MYO5B: variants seen among roughly 807,000 people sequenced by gnomAD.
MYO5B encodes unconventional myosin-Vb.
A neutral mutation model predicts 229.3 loss-of-function variants in MYO5B; 143 were observed. The observed-to-expected ratio is 0.62, with a 90% CI of 0.54 to 0.72. The LOEUF is 0.72. Among genes scored for constraint, MYO5B ranks in the 30% least tolerant of loss-of-function variants. MYO5B has a pLI of 0.00. For synonymous variants in MYO5B, 918 were observed against 885.2 expected (o/e 1.04, Z -0.66); for missense variants, 2,321 against 2,331.0 (o/e 1.00, Z 0.09).
intron 17 of MYO5B, among the ~76,000 whole-genome samples, chr18:49,926,172 G>A (rs2144188562): frequency 6.6e-6 from 1 of 152,348 alleles, no homozygotes; most frequent in Middle Eastern, 3.4e-3. Context: ...GGACCCGCTG[G>A]GTTTTGAAAA....
intron 17 of MYO5B, among the ~76,000 whole-genome samples, chr18:49,918,933 T>C (rs1302434079): frequency 1.3e-5 from 2 of 152,178 alleles, no homozygotes; most frequent in South Asian, 2.1e-4. Flanking sequence ...AGGGACACCT[T>C]CTCAAAGGCT....
At position 50,169,731 on chromosome 18, in the gene MYO5B, GTA is replaced by G. The variant is rs2032899662; in HGVS notation, c.27+25034_27+25035del. On this transcript the variant is annotated intron_variant, in intron 1 of 39. Coordinates refer to ENST00000285039, the MANE Select transcript of MYO5B (RefSeq NM_001080467.3). ...GACAAAACTTTAAACCCAATTCAAG[GTA>G]TATGAGTGTGCCTTGAATTACTCTT... Among the ~76,000 whole-genome samples the G allele has an allele frequency of 1.6e-5, 2 of 127,780 alleles. 1 individual carries two copies. Among genetic ancestry groups the G allele is most frequent in the Non-Finnish European group, 3.3e-5 (2 of 59,882 alleles). The allele number at this position is 127,780 out of a possible 152,430, so 83.8% of individuals were successfully genotyped here.
At chr18:49,927,480 A>C (rs1004242161) in intron 17 of MYO5B, among the ~76,000 whole-genome samples, 2 of 152,168 alleles carry the variant, frequency 1.3e-5, no homozygotes, top group Non-Finnish European at 2.9e-5. Flanking sequence ...GACACAATAC[A>C]TTACCCAACT....
intron 17 of MYO5B, among the ~76,000 whole-genome samples, chr18:49,922,298 T>A (rs2025083689): frequency 6.6e-6 from 1 of 152,220 alleles, no homozygotes; most frequent in South Asian, 2.1e-4. Context: ...TTAGGTAGCA[T>A]TATTATTTTA....
intron 1 of MYO5B, among the ~76,000 whole-genome samples, chr18:50,062,280 G>A (rs891748713): frequency 3.3e-5 from 5 of 152,288 alleles, no homozygotes; most frequent in Middle Eastern, 3.4e-3. Flanking sequence ...CGCCTTGACC[G>A]GAAGCAGGGC....
rs1283311504 is a variant in MYO5B at position 49,826,622 on chromosome 18, G to T, written c.5396C>A (p.Ala1799Glu). 1 of 1,613,010 alleles carries T rather than the reference G, an allele frequency of 6.2e-7. No homozygotes were observed. Among genetic ancestry groups the T allele is most frequent in the South Asian group, 1.1e-5 (1 of 91,036 alleles). Residue 1799 changes from alanine (A) to glutamate (E), a missense_variant and splice_region_variant, in exon 40 of 40, where the codon GCA (alanine) becomes GAA (glutamate). Physicochemically the swap from Ala to Glu is moderately radical, Grantham distance 107. Around this residue, in one of 2 missense-constraint regions of MYO5B, gnomAD observed 208 missense variants for 286.3 expected, o/e 0.73. Transcript: ENST00000285039. ...AGGGTCATTCCGCTCTTGTAGTTGT[G>T]CCTATGGGGAAGAATAAGACCATGT... ...VTVAFIRTIQAQLQERNDPQQ... is the reference protein window; with the variant it reads ...VTVAFIRTIQEQLQERNDPQQ...
chr18:50,079,332 G>A (rs1006941457), intron 1 of MYO5B, among the ~76,000 whole-genome samples: 6 of 152,162 alleles, frequency 3.9e-5, no homozygotes, highest in African/African-American at 9.7e-5. Context: ...TCATATTCTA[G>A]GAAAATGTAC....
chr18:50,009,186 T>G (rs1267476688), intron 4 of MYO5B, among the ~76,000 whole-genome samples: 2 of 152,166 alleles, frequency 1.3e-5, no homozygotes, highest in Non-Finnish European at 2.9e-5. Context: ...GAGACCAGCC[T>G]GGCCAACATG....
At chr18:49,915,991 T>G (rs2025010037) in intron 17 of MYO5B, among the ~76,000 whole-genome samples, 1 of 152,208 alleles carries the variant, frequency 6.6e-6, no homozygotes. Flanking sequence ...GTCCCTGTGC[T>G]CACCATCCAT....
At chr18:50,183,463 G>A (rs541456320) in intron 1 of MYO5B, among the ~76,000 whole-genome samples, 17 of 151,428 alleles carry the variant, frequency 1.1e-4, no homozygotes, top group East Asian at 9.7e-4. Context: ...AAGAAGATGA[G>A]GAAAGGCTTC....
intron 4 of MYO5B, 134 bp from the exon 5 acceptor site, chr18:50,001,545 G>A (rs1370794976): frequency 2.6e-6 from 3 of 1,145,618 alleles, no homozygotes; most frequent in Non-Finnish European, 3.9e-6. Context: ...CAGAGGAACA[G>A]TGTAAAAATA....
chr18:49,938,337 A>G (rs1030751262), intron 14 of MYO5B, among the ~76,000 whole-genome samples: 19 of 152,140 alleles, frequency 1.2e-4, no homozygotes, highest in African/African-American at 4.8e-5. Flanking sequence ...CCAGCCATCA[A>G]GAAGTTCAGT....
intron 4 of MYO5B, among the ~76,000 whole-genome samples, chr18:50,017,268 C>G (rs1231615323): frequency 6.6e-6 from 1 of 152,078 alleles, no homozygotes; most frequent in Non-Finnish European, 1.5e-5. Context: ...CAGGCACGTG[C>G]CACTACTGTC....
At chr18:50,026,294 G>C (rs188605232) in intron 4 of MYO5B, among the ~76,000 whole-genome samples, 1 of 13,282 alleles carries the variant, frequency 7.5e-5, no homozygotes, top group South Asian at 5.4e-3. Flanking sequence ...TTCTGTTTAC[G>C]TTTACAGTGT....
chr18:49,833,418 T>C (rs72537480), intron 39 of MYO5B, among the ~76,000 whole-genome samples: 1 of 152,184 alleles, frequency 6.6e-6, no homozygotes, highest in Non-Finnish European at 1.5e-5. Flanking sequence ...ATTGTATAGG[T>C]AGAAACAACA....
intron 1 of MYO5B, among the ~76,000 whole-genome samples, chr18:50,150,063 C>A (rs2144301555): frequency 6.7e-6 from 1 of 149,768 alleles, no homozygotes; most frequent in African/African-American, 2.5e-5. Context: ...ATTTGTGCAG[C>A]CAAAAAACAC....
chr18:49,854,999 A>G (rs945021183), intron 30 of MYO5B, among the ~76,000 whole-genome samples: 3 of 152,228 alleles, frequency 2.0e-5, no homozygotes, highest in African/African-American at 7.2e-5. Context: ...AGGCGATATT[A>G]CCTATTACTA....
chr18:50,085,191 CT>C (rs2031304731), intron 1 of MYO5B, among the ~76,000 whole-genome samples: 1 of 152,172 alleles, frequency 6.6e-6, no homozygotes, highest in African/African-American at 2.4e-5. Flanking sequence ...TACCCAGAAT[CT>C]ACAATGAACT....
At chr18:49,832,947 A>G (rs1406349834) in intron 39 of MYO5B, among the ~76,000 whole-genome samples, 2 of 152,166 alleles carry the variant, frequency 1.3e-5, no homozygotes, top group African/African-American at 4.8e-5. Flanking sequence ...TGCGTTTATT[A>G]TCATGAACCT....
Sources: gnomAD v4.1 joint callset for allele counts (sites outside exome capture counted in the v4.1 genomes callset) on GRCh38, gnomAD v4.1.1 for gene constraint, gnomAD v4.1.1 regional missense constraint, MANE v1.5 for transcripts, NCBI Gene and HGNC (gene_info 2026-07-23, HGNC 2026-07-21) for gene names.